Variants in AOAH observed in about 807,000 individuals in gnomAD.
AOAH encodes the protein acyloxyacyl hydrolase (neutrophil).
AOAH carries 64 observed loss-of-function variants against 92.2 expected under a neutral mutation model. That is an observed-to-expected ratio of 0.69 (90% confidence interval 0.57 to 0.86). The LOEUF (loss-of-function observed/expected upper bound fraction) is 0.86, where lower values mean the gene tolerates loss of function less well. Among genes scored for constraint, AOAH ranks in the 40% least tolerant of loss-of-function variants. The pLI is 0.00. For missense variants in AOAH, 656 were observed against 694.6 expected (o/e 0.94, Z 0.62); for synonymous variants, 263 against 254.5 (o/e 1.03, Z -0.32).
chr7:36,585,107 G>A (rs947496516), intron 12 of AOAH, among the ~76,000 whole-genome samples: 1 of 151,916 alleles, frequency 6.6e-6, no homozygotes, highest in African/African-American at 2.4e-5. Flanking sequence ...TAATCATCCA[G>A]TTAGATGGGG....
intron 16 of AOAH, among the ~76,000 whole-genome samples, chr7:36,535,044 GTGTA>G (rs1784946738): frequency 2.1e-5 from 2 of 96,698 alleles, no homozygotes; most frequent in Non-Finnish European, 4.1e-5. Flanking sequence ...GTCTGTGTGT[GTGTA>G]TGTGTCTGTG....
chr7:36,515,714 C>G (rs1023281803), intron 20 of AOAH, among the ~76,000 whole-genome samples: 1 of 126,620 alleles, frequency 7.9e-6, no homozygotes. Flanking sequence ...CCCCCCCACA[C>G]ACCACACACC....
At chr7:36,633,830 G>C (rs1289006105) in intron 5 of AOAH, among the ~76,000 whole-genome samples, 1 of 152,192 alleles carries the variant, frequency 6.6e-6, no homozygotes, top group African/African-American at 2.4e-5. Context: ...AAACCTCGGT[G>C]CTATTGCCAT....
chr7:36,636,531 G>A (rs541649102), intron 5 of AOAH, among the ~76,000 whole-genome samples: 179 of 152,302 alleles, frequency 1.2e-3, no homozygotes, highest in Non-Finnish European at 2.0e-3. Context: ...AGAGTTTCCT[G>A]TGGTCTTTTA....
intron 11 of AOAH, among the ~76,000 whole-genome samples, chr7:36,597,460 C>T (rs1350097208): frequency 2.6e-5 from 4 of 152,044 alleles, no homozygotes; most frequent in African/African-American, 7.2e-5. Context: ...CCAGACAAGA[C>T]AAGAAAAACA....
chr7:36,601,725 G>A (rs1448208081), intron 11 of AOAH, among the ~76,000 whole-genome samples: 1 of 152,182 alleles, frequency 6.6e-6, no homozygotes, highest in African/African-American at 2.4e-5. Context: ...AGGGACATCT[G>A]CCCCACATGT....
At chr7:36,707,660 T>G (rs916558335) in intron 1 of AOAH, among the ~76,000 whole-genome samples, 2 of 152,180 alleles carry the variant, frequency 1.3e-5, no homozygotes, top group African/African-American at 4.8e-5. Flanking sequence ...GTTCAGCGAT[T>G]AGTCATATTA....
At chr7:36,648,125 C>G (rs1246071012) in intron 4 of AOAH, among the ~76,000 whole-genome samples, 1 of 152,100 alleles carries the variant, frequency 6.6e-6, no homozygotes, top group African/African-American at 2.4e-5. Flanking sequence ...CCTCCTGCCT[C>G]AACCTCCCAA....
At chr7:36,534,972 C>CTG (rs764646570) in intron 16 of AOAH, among the ~76,000 whole-genome samples, 1 of 136,510 alleles carries the variant, frequency 7.3e-6, no homozygotes, top group South Asian at 2.4e-4. Context: ...GTCTGTGTCT[C>CTG]TGTGTGTGTG....
At chr7:36,537,973 T>G (rs1785183347) in intron 16 of AOAH, among the ~76,000 whole-genome samples, 1 of 151,178 alleles carries the variant, frequency 6.6e-6, no homozygotes, top group Non-Finnish European at 1.5e-5. Context: ...CTTTCCAAAT[T>G]GCGTGGAGTC....
chr7:36,609,583 G>A (rs371698755), intron 11 of AOAH, among the ~76,000 whole-genome samples: 24 of 151,998 alleles, frequency 1.6e-4, no homozygotes, highest in African/African-American at 5.6e-4. Context: ...CTCTGCTAGG[G>A]CACGCCTTCC....
intron 9 of AOAH, among the ~76,000 whole-genome samples, chr7:36,620,111 T>G (rs1792173499): frequency 6.6e-6 from 1 of 152,236 alleles, no homozygotes; most frequent in Admixed American, 6.5e-5. Context: ...AGGAATTTGT[T>G]AAGATTTCTG....
intron 13 of AOAH, among the ~76,000 whole-genome samples, chr7:36,573,597 A>C (rs1285895861): frequency 1.3e-5 from 2 of 152,156 alleles, no homozygotes; most frequent in Non-Finnish European, 2.9e-5. Flanking sequence ...ATGTGCCTGT[A>C]ATCCCAGCTA....
At chr7:36,633,136 G>C (rs1190666323) in intron 5 of AOAH, among the ~76,000 whole-genome samples, 3 of 152,258 alleles carry the variant, frequency 2.0e-5, no homozygotes, top group Non-Finnish European at 4.4e-5. Flanking sequence ...AGGTGGGATA[G>C]AGGCAGGTGG....
At chr7:36,523,323 T>C (rs17398956) in intron 19 of AOAH, among the ~76,000 whole-genome samples, 3,051 of 152,316 alleles carry the variant, frequency 0.02, 50 homozygotes, top group Middle Eastern at 0.082. Context: ...AAAACTCAAA[T>C]TGAGGACACT....
At position 36,549,095 on chromosome 7, in the gene AOAH, G is replaced by A. The variant is rs576508042; in HGVS notation, c.1058+344C>T. Among the ~76,000 whole-genome samples, 5 of 152,290 alleles carry A rather than the reference G, an allele frequency of 3.3e-5. No homozygotes were observed. The South Asian group carries it at 1.0e-3, about 32-fold the overall frequency. On this transcript the variant is annotated intron_variant, in intron 14 of 20. Transcript: ENST00000617537. ...CTTTGAAAAGGCAAAGGCTTCTTGA[G>A]GCTTCCAGTCAGGACACCTCGAGCC...
intron 20 of AOAH, among the ~76,000 whole-genome samples, chr7:36,518,809 G>C (rs1783961735): frequency 6.6e-6 from 1 of 152,182 alleles, no homozygotes; most frequent in Admixed American, 6.5e-5. Flanking sequence ...AATACAGCAT[G>C]ATGCTTTATT....
In AOAH at chr7:36,516,500, A is replaced by T. The variant is rs187071233; in HGVS notation, c.1600-3120T>A. On this transcript the variant is annotated intron_variant, in intron 20 of 20. Coordinates refer to ENST00000617537, the MANE Select transcript of AOAH (RefSeq NM_001637.4). This position sits in a 1 kb window ranked among gnomAD's most constrained non-coding sequence, Gnocchi z 5.0. Reference sequence around the variant, plus strand: ...ACACACACACACAGAAAGCGCACACAGCATTCACACCCCACATATACTTCT... The same window carrying T: ...ACACACACACACAGAAAGCGCACACTGCATTCACACCCCACATATACTTCT... 5.9e-4 allele frequency among the ~76,000 whole-genome samples: 89 copies of T among 150,962 alleles called. No homozygotes were observed. The highest frequency in any genetic ancestry group is 6.8e-3 in the Middle Eastern group (2 of 294).
intron 9 of AOAH, 113 bp from the exon 10 acceptor site, chr7:36,618,458 C>T: frequency 1.1e-6 from 1 of 925,946 alleles, no homozygotes. Flanking sequence ...TAGATAAAAC[C>T]CTTTAAAGTT....
Sources: allele counts gnomAD v4.1 joint callset (sites outside exome capture counted in the v4.1 genomes callset), GRCh38; gene constraint gnomAD v4.1.1; non-coding constraint Gnocchi (gnomAD v3.1); transcripts MANE v1.5; gene names NCBI Gene and HGNC (gene_info 2026-07-23, HGNC 2026-07-21).